COX17: variants seen among roughly 807,000 people sequenced by gnomAD.
COX17 encodes the protein cytochrome c oxidase copper chaperone.
A neutral mutation model predicts 6.3 loss-of-function variants in COX17; 1 was observed. That is an observed-to-expected ratio of 0.16 (90% CI 0.06 to 0.75). COX17 has a LOEUF of 0.75. COX17 is among the 30% of genes least tolerant of loss of function. COX17 has a pLI of 0.77. For missense variants in COX17, 73 were observed against 81.2 expected (o/e 0.90, Z 0.39); for synonymous variants, 26 against 30.5 (o/e 0.85, Z 0.49).
intron 2 of COX17, among the ~76,000 whole-genome samples, chr3:119,671,210 C>T (rs1409281377): frequency 6.6e-6 from 1 of 151,898 alleles, no homozygotes; most frequent in African/African-American, 2.4e-5. Flanking sequence ...GTTTCTCAGT[C>T]AACAGGTGCA....
downstream of COX17, among the ~76,000 whole-genome samples, chr3:119,664,783 A>T (rs1050730560): frequency 6.6e-6 from 1 of 152,214 alleles, no homozygotes; most frequent in Non-Finnish European, 1.5e-5. Flanking sequence ...TTTGTATAGC[A>T]TATTTTTAAA....
chr3:119,677,350 T>C lies in COX17; in HGVS notation c.-40A>G, dbSNP rs757565261. On this transcript the variant is annotated 5_prime_UTR_variant, in exon 1 of 3. Transcript: ENST00000261070. ...GCAGCTATGAGCGGAGACAGCCAAA[T>C]CTATGCCAGCCTCGGCAAACGCCGA... 1.3e-6 allele frequency: 2 copies of C among 1,550,002 alleles called. No homozygotes were observed. Among genetic ancestry groups the C allele is most frequent in the East Asian group, 2.3e-5 (1 of 43,882 alleles).
chr3:119,671,782 T>C (rs2053046752), intron 2 of COX17, among the ~76,000 whole-genome samples: 1 of 152,178 alleles, frequency 6.6e-6, no homozygotes, highest in Admixed American at 6.5e-5. Flanking sequence ...AATATAAAAA[T>C]CTTAACTCTA....
At chr3:119,676,155 G>GTCA (rs2053096822) in intron 1 of COX17, among the ~76,000 whole-genome samples, 1 of 152,190 alleles carries the variant, frequency 6.6e-6, no homozygotes, top group Admixed American at 6.5e-5. Flanking sequence ...GAGGCTCAAG[G>GTCA]TCACCAAGTT....
At position 119,675,247 on chromosome 3, in the gene COX17, T is replaced by C; in HGVS notation, c.108-14A>G. 1 of 1,581,192 alleles carries C rather than the reference T, an allele frequency of 6.3e-7. No homozygotes were observed. The highest frequency in any genetic ancestry group is 2.2e-5 in the East Asian group (1 of 44,714). Reference sequence around the variant, plus strand: ...TTCTCGATGATACTATAAAACAAAATGTACTTGTTATCTAAATATGCATTA... The same window carrying C: ...TTCTCGATGATACTATAAAACAAAACGTACTTGTTATCTAAATATGCATTA... On this transcript the variant is annotated splice_polypyrimidine_tract_variant and intron_variant, in intron 1 of 2. Coordinates refer to ENST00000261070, the MANE Select transcript of COX17 (RefSeq NM_005694.2).
chr3:119,677,222 T>C lies in COX17; in HGVS notation c.89A>G (p.Lys30Arg), dbSNP rs1317132352. The change falls in exon 1 of 3, where the codon AAG (lysine) becomes AGG (arginine). Residue 30 changes from lysine to arginine, a missense_variant. Lys to Arg is a conservative substitution (Grantham distance 26). Coordinates refer to ENST00000261070, the MANE Select transcript of COX17 (RefSeq NM_005694.2). ...CACTGACCACGCATCGCGCGCCTTC[T>C]TGGTCTCCGGGCAAGCGCAGCAGGG... is the stretch of plus-strand genomic sequence containing the variant. The part of the protein sequence containing the change: ...LKPCCACPET[K>R]KARDACIIEK... 17 of 1,611,550 alleles carry C rather than the reference T, an allele frequency of 1.1e-5. No individual in the cohort carries two copies. The highest frequency in any genetic ancestry group is 1.4e-5 in the Non-Finnish European group (17 of 1,179,786).
chr3:119,664,189 C>A (rs1335264794), intron 3 of COX17, among the ~76,000 whole-genome samples: 3 of 152,150 alleles, frequency 2.0e-5, no homozygotes, highest in Non-Finnish European at 4.4e-5. Context: ...ATAATTCAAT[C>A]CATAGGGACT....
intron 2 of COX17, among the ~76,000 whole-genome samples, chr3:119,673,620 G>A (rs1175850281): frequency 6.6e-6 from 1 of 152,182 alleles, no homozygotes; most frequent in Non-Finnish European, 1.5e-5. Context: ...TGATGGGGAA[G>A]GGATGTAATT....
intron 2 of COX17, chr3:119,674,870 T>G (rs1050650467): frequency 2.7e-6 from 1 of 364,736 alleles, no homozygotes; most frequent in Non-Finnish European, 4.9e-6. Flanking sequence ...TATGTTTCTT[T>G]TAGTTCCCTC....
chr3:119,676,926 C>G, intron 1 of COX17: 1 of 700,936 alleles, frequency 1.4e-6, no homozygotes, highest in Non-Finnish European at 2.6e-6. Flanking sequence ...TTTCCCGGTA[C>G]TAAGCTACGG....
rs749505426 is a variant in COX17, at chr3:119,677,003, T to TGGGGC, written c.107+196_107+200dup. 34 of 407,796 alleles carry TGGGGC rather than the reference T, an allele frequency of 8.3e-5. No homozygotes were observed. The African/African-American group carries it at 1.0e-3, about 13-fold the overall frequency. 25.3% of individuals were successfully genotyped at this position (407,796 alleles called of 1,614,324 possible). A position where few individuals can be genotyped will look rare whatever the true frequency, so the allele number is the denominator to read the frequency against. On this transcript the variant is annotated intron_variant, in intron 1 of 2. Coordinates refer to ENST00000261070, the MANE Select transcript of COX17 (RefSeq NM_005694.2). ...AATAATTATCTCCAGAGCGCCGCAA[T>TGGGGC]GGGGCGGGGCGGGGCGGGGCGGGGG... is the stretch of plus-strand genomic sequence containing the variant.
At chr3:119,676,900 T>C in intron 1 of COX17, 1 of 702,668 alleles carries the variant, frequency 1.4e-6, no homozygotes, top group East Asian at 2.7e-5. Flanking sequence ...CTTGCCGTTC[T>C]CCTCTCTCTC....
chr3:119,674,064 C>T (rs1559735566), intron 2 of COX17, among the ~76,000 whole-genome samples: 2 of 150,724 alleles, frequency 1.3e-5, no homozygotes, highest in East Asian at 2.0e-4. Flanking sequence ...GCTGCTGCCC[C>T]GTCTGGGATG....
intron 2 of COX17, among the ~76,000 whole-genome samples, chr3:119,673,017 G>A (rs2053060672): frequency 6.6e-6 from 1 of 152,204 alleles, no homozygotes; most frequent in African/African-American, 2.4e-5. Flanking sequence ...GCAGGAAAGA[G>A]GTGCAAGGGA....
At chr3:119,666,354 T>C (rs2052992697), downstream of COX17, among the ~76,000 whole-genome samples, 1 of 152,160 alleles carries the variant, frequency 6.6e-6, no homozygotes, top group East Asian at 1.9e-4. Flanking sequence ...AAAGCTGAGA[T>C]GAAAATAACT....
downstream of COX17, among the ~76,000 whole-genome samples, chr3:119,667,876 T>G (rs940480216): frequency 6.6e-6 from 1 of 152,162 alleles, no homozygotes; most frequent in African/African-American, 2.4e-5. Flanking sequence ...TTATCTGACA[T>G]ATATCCTGTT....
chr3:119,671,619 C>A (rs1303517762), intron 2 of COX17, among the ~76,000 whole-genome samples: 1 of 152,176 alleles, frequency 6.6e-6, no homozygotes, highest in Admixed American at 6.5e-5. Flanking sequence ...TTATATGCAA[C>A]TGTACATTTC....
intron 3 of COX17, among the ~76,000 whole-genome samples, chr3:119,664,092 G>T (rs1443083178): frequency 3.3e-5 from 5 of 152,236 alleles, no homozygotes. Flanking sequence ...GAAACTTTCA[G>T]TCTATCCCGG....
intron 2 of COX17, among the ~76,000 whole-genome samples, chr3:119,672,455 A>C (rs942755044): frequency 1.3e-5 from 2 of 152,080 alleles, no homozygotes; most frequent in African/African-American, 4.8e-5. Flanking sequence ...TAAAATTAGC[A>C]TTTCTTTTTA....
Sources: gnomAD v4.1 joint callset for allele counts (sites outside exome capture counted in the v4.1 genomes callset) on GRCh38, gnomAD v4.1.1 for gene constraint, MANE v1.5 for transcripts, NCBI Gene and HGNC (gene_info 2026-07-23, HGNC 2026-07-21) for gene names.